Variants in UBE3D observed in about 807,000 individuals in gnomAD.
UBE3D encodes the protein ubiquitin protein ligase E3D, also known as E3 ubiquitin-protein ligase E3D.
UBE3D carries 48 observed loss-of-function variants against 49.6 expected under a neutral mutation model. The ratio of observed to expected loss-of-function variants is 0.97; its 90% CI spans 0.77 to 1.23. The LOEUF (loss-of-function observed/expected upper bound fraction) is 1.23, where lower values mean the gene tolerates loss of function less well. Among genes scored for constraint, UBE3D ranks in the 50% most tolerant of loss-of-function variants. The pLI, the probability that UBE3D is intolerant of heterozygous loss-of-function variation, is 0.00. For synonymous variants in UBE3D, 189 were observed against 174.2 expected (o/e 1.08, Z -0.67); for missense variants, 452 against 468.4 (o/e 0.96, Z 0.32).
intron 9 of UBE3D, among the ~76,000 whole-genome samples, chr6:82,950,255 A>G (rs1775690320): frequency 6.6e-6 from 1 of 152,242 alleles, no homozygotes; most frequent in South Asian, 2.1e-4. Flanking sequence ...AAACAAGTAT[A>G]TGAAAAGGTG....
chr6:82,969,126 T>A (rs1207733940), intron 8 of UBE3D, among the ~76,000 whole-genome samples: 1 of 149,112 alleles, frequency 6.7e-6, no homozygotes, highest in Non-Finnish European at 1.5e-5. Flanking sequence ...ACTGTTTTAC[T>A]TAGAAAGCCT....
chr6:83,008,998 T>A (rs1780170859), intron 8 of UBE3D, among the ~76,000 whole-genome samples: 1 of 152,118 alleles, frequency 6.6e-6, no homozygotes, highest in Non-Finnish European at 1.5e-5. Context: ...ACCTACTAAT[T>A]GAATACAAGA....
intron 4 of UBE3D, 127 bp downstream of exon 4, chr6:83,044,301 A>G: frequency 1.2e-6 from 1 of 833,542 alleles, no homozygotes; most frequent in Non-Finnish European, 1.9e-6. Flanking sequence ...TAGCGATGAC[A>G]GTTGAAAATA....
intron 9 of UBE3D, among the ~76,000 whole-genome samples, chr6:82,927,779 AT>A: frequency 6.7e-6 from 1 of 148,924 alleles, no homozygotes; most frequent in South Asian, 2.1e-4. Flanking sequence ...ATTCTTCAGG[AT>A]TTTCTAAATA....
chr6:82,911,371 G>A (rs1390676287), intron 9 of UBE3D, among the ~76,000 whole-genome samples: 3 of 152,126 alleles, frequency 2.0e-5, no homozygotes, highest in Non-Finnish European at 4.4e-5. Context: ...AGTATTTGGG[G>A]ACACAGCAAA....
chr6:83,011,844 G>A (rs1297867661), intron 8 of UBE3D, among the ~76,000 whole-genome samples: 10 of 152,082 alleles, frequency 6.6e-5, no homozygotes, highest in African/African-American at 2.4e-4. Flanking sequence ...TAGGGGTGAT[G>A]GTGAATGGTG....
chr6:82,932,629 G>T (rs772263882), intron 9 of UBE3D: 1 of 152,210 alleles, frequency 6.6e-6, no homozygotes, highest in Non-Finnish European at 1.5e-5. Context: ...GAATGGAAGT[G>T]TGGAAGAAGT....
Position 83,023,990 on chromosome 6 carries a change from C to A in UBE3D, c.716G>T (p.Arg239Met). ...MTEIIIQSSERSFPIIPRSWF... is the reference protein window; with the variant it reads ...MTEIIIQSSEMSFPIIPRSWF... The stretch of plus-strand genomic sequence containing the variant: ...GTACCTTGGTATGATAGGAAAACTC[C>A]TCTCAGATGACTGAATAATTATCTC... The change falls in exon 6 of 10, where the codon AGG becomes ATG. Residue 239 changes from arginine to methionine, a missense_variant. Transcript: ENST00000369747. The A allele has an allele frequency of 6.5e-7, 1 of 1,534,540 alleles. No individual in the cohort carries two copies. Among genetic ancestry groups the A allele is most frequent in the South Asian group, 1.3e-5 (1 of 75,274 alleles).
chr6:82,947,983 C>T (rs1324418257), intron 9 of UBE3D, among the ~76,000 whole-genome samples: 2 of 151,608 alleles, frequency 1.3e-5, no homozygotes, highest in African/African-American at 2.4e-5. Flanking sequence ...CAAACCAAAC[C>T]AAACTCAAAA....
At chr6:82,962,449 T>C (rs1776623825) in intron 8 of UBE3D, among the ~76,000 whole-genome samples, 2 of 152,204 alleles carry the variant, frequency 1.3e-5, no homozygotes, top group Admixed American at 6.5e-5. Context: ...GAGTCAGGTA[T>C]ACAACCTGTC....
At chr6:83,031,500 T>C (rs1781867854) in intron 5 of UBE3D, among the ~76,000 whole-genome samples, 1 of 152,232 alleles carries the variant, frequency 6.6e-6, no homozygotes, top group Non-Finnish European at 1.5e-5. Flanking sequence ...TCAAGCCACT[T>C]GCATCAGTGT....
downstream of UBE3D, among the ~76,000 whole-genome samples, chr6:82,891,265 G>A (rs889971221): frequency 1.3e-5 from 2 of 152,300 alleles, no homozygotes; most frequent in Middle Eastern, 3.4e-3. Context: ...AACTGGAGTG[G>A]AGGAGGGGGC....
At chr6:83,031,488 A>C (rs1479810244) in intron 5 of UBE3D, among the ~76,000 whole-genome samples, 2 of 152,164 alleles carry the variant, frequency 1.3e-5, no homozygotes, top group Non-Finnish European at 2.9e-5. Context: ...CAAAGGAGAA[A>C]TTCAAGCCAC....
chr6:82,898,069 T>A (rs1771459450), intron 9 of UBE3D, among the ~76,000 whole-genome samples: 1 of 150,860 alleles, frequency 6.6e-6, no homozygotes, highest in Non-Finnish European at 1.5e-5. Flanking sequence ...CCAACAAACA[T>A]ATGAGAAAAA....
intron 8 of UBE3D, among the ~76,000 whole-genome samples, chr6:83,003,604 G>C (rs1377171519): frequency 6.6e-6 from 1 of 152,162 alleles, no homozygotes; most frequent in Non-Finnish European, 1.5e-5. Context: ...AGTGTACTCA[G>C]ACAAACCTAA....
rs185227872 is a variant in UBE3D at position 83,025,475 on chromosome 6, T to C, written c.668-1437A>G. On this transcript the variant is annotated intron_variant, in intron 5 of 9. Coordinates refer to ENST00000369747, the MANE Select transcript of UBE3D (RefSeq NM_198920.3). ...CATCAAACAAAATATTTTAAAATGA[T>C]AAGGTGTACTGCTGGATACGCTTAT... 5.7e-3 allele frequency among the ~76,000 whole-genome samples: 867 copies of C among 152,170 alleles called. 9 individuals are homozygous for C. The highest frequency in any genetic ancestry group is 5.9e-3 in the Non-Finnish European group (401 of 68,008).
At chr6:83,065,564 G>C (rs376817025) in intron 1 of UBE3D, 78 bp downstream of exon 1, 17 of 1,377,906 alleles carry the variant, frequency 1.2e-5, no homozygotes, top group Middle Eastern at 1.8e-4. Context: ...CCCTCGTACA[G>C]AGAGAGACTC....
intron 8 of UBE3D, among the ~76,000 whole-genome samples, chr6:82,989,302 G>GGGTTT (rs1349537299): frequency 9.9e-5 from 15 of 151,906 alleles, no homozygotes; most frequent in Non-Finnish European, 2.2e-4. Context: ...CTTAGACCAG[G>GGGTTT]AGAGAAATTA....
intron 9 of UBE3D, among the ~76,000 whole-genome samples, chr6:82,915,074 G>GT (rs1346896857): frequency 6.6e-6 from 1 of 152,066 alleles, no homozygotes; most frequent in Non-Finnish European, 1.5e-5. Flanking sequence ...ACAATAAAGA[G>GT]TTGAGGGCAT....
Sources: allele counts gnomAD v4.1 joint callset (sites outside exome capture counted in the v4.1 genomes callset), GRCh38; gene constraint gnomAD v4.1.1; transcripts MANE v1.5; gene names NCBI Gene and HGNC (gene_info 2026-07-23, HGNC 2026-07-21).